The following CNTLN variants were observed in gnomAD, a reference collection of about 807,000 sequenced individuals.
CNTLN encodes the protein centlein, centrosomal protein.
Under a neutral mutation model 180.0 loss-of-function variants are expected in CNTLN, and 212 were observed. The observed-to-expected ratio is 1.18, with a 90% CI of 1.05 to 1.32. The LOEUF (loss-of-function observed/expected upper bound fraction) is 1.32. Ranked by LOEUF, CNTLN falls within the 40% of genes most tolerant of loss-of-function variation. CNTLN has a pLI of 0.00. For missense variants in CNTLN, 2,095 were observed against 1,610.9 expected (o/e 1.30, Z -5.14); for synonymous variants, 722 against 563.1 (o/e 1.28, Z -3.99).
At chr9:17,376,584 T>G (rs544105897) in intron 13 of CNTLN, among the ~76,000 whole-genome samples, 5 of 152,194 alleles carry the variant, frequency 3.3e-5, no homozygotes, top group African/African-American at 1.2e-4. Context: ...CCCAAGTAGC[T>G]GGGACTGCAG....
Position 17,465,989 on chromosome 9 carries a change from A to G in CNTLN, c.3540A>G (p.Thr1180=). ...TTATGCTTTTAATGTAGGTAAAGACATTAACTGAAGAATGTTCCAACAAGA... is the reference window on the plus strand; with the variant it reads ...TTATGCTTTTAATGTAGGTAAAGACGTTAACTGAAGAATGTTCCAACAAGA... ...MLQNLDKKVK[T]LTEECSNKKV... is the part of the protein sequence containing the mutation. The change falls in exon 22 of 26, where the codon ACA becomes ACG. Residue 1180 remains threonine (T), a synonymous_variant. Transcript: ENST00000380647. 1.9e-6 allele frequency: 3 copies of G among 1,602,474 alleles called. No homozygotes were observed. The highest frequency in any genetic ancestry group is 2.6e-6 in the Non-Finnish European group (3 of 1,172,390).
chr9:17,490,081 T>G (rs1335818533), intron 25 of CNTLN, among the ~76,000 whole-genome samples: 1 of 151,386 alleles, frequency 6.6e-6, no homozygotes, highest in Admixed American at 6.6e-5. Flanking sequence ...GTTTAGGGAG[T>G]GGGAGAAAAG....
intron 5 of CNTLN, among the ~76,000 whole-genome samples, chr9:17,253,128 T>G (rs557753235): frequency 6.6e-6 from 1 of 151,986 alleles, no homozygotes; most frequent in African/African-American, 2.4e-5. Context: ...CATTGGTCTA[T>G]GTGTCTATAT....
intron 7 of CNTLN, chr9:17,299,208 A>G (rs1272878062): frequency 6.6e-6 from 1 of 151,542 alleles, no homozygotes; most frequent in African/African-American, 2.7e-5. Flanking sequence ...GCACCATTGC[A>G]CTCCAGCCAG....
At chr9:17,225,735 A>C (rs990388692) in intron 2 of CNTLN, among the ~76,000 whole-genome samples, 11 of 152,064 alleles carry the variant, frequency 7.2e-5, no homozygotes, top group Non-Finnish European at 1.3e-4. Context: ...AGTTTAGTTA[A>C]TAGTATTCTC....
chr9:17,407,858 G>T (rs1441022044), intron 15 of CNTLN, among the ~76,000 whole-genome samples: 1 of 152,064 alleles, frequency 6.6e-6, no homozygotes, highest in Admixed American at 6.5e-5. Flanking sequence ...GGGCGTGGTG[G>T]CTCACGCCTG....
intron 2 of CNTLN, among the ~76,000 whole-genome samples, chr9:17,199,001 T>A (rs1045043815): frequency 6.6e-6 from 1 of 152,104 alleles, no homozygotes; most frequent in African/African-American, 2.4e-5. Context: ...CATGTGCATG[T>A]GTCTTTATAG....
At chr9:17,187,175 G>A (rs374817933) in intron 2 of CNTLN, among the ~76,000 whole-genome samples, 1 of 152,010 alleles carries the variant, frequency 6.6e-6, no homozygotes, top group African/African-American at 2.4e-5. Context: ...TTGATTTTGG[G>A]TAAGTTACAT....
chr9:17,264,424 C>A (rs1412326993), intron 5 of CNTLN, among the ~76,000 whole-genome samples: 3 of 150,834 alleles, frequency 2.0e-5, no homozygotes, highest in Non-Finnish European at 4.4e-5. Context: ...GGTACCAGTA[C>A]CATGCTGTTT....
At chr9:17,164,068 T>G (rs566751661) in intron 2 of CNTLN, among the ~76,000 whole-genome samples, 1 of 150,952 alleles carries the variant, frequency 6.6e-6, no homozygotes, top group South Asian at 2.1e-4. Context: ...TCCCAGAACT[T>G]TGGAAGGCTG....
intron 2 of CNTLN, among the ~76,000 whole-genome samples, chr9:17,215,291 TGTCTGTTGGA>T (rs1289934106): frequency 6.6e-6 from 1 of 152,246 alleles, no homozygotes; most frequent in African/African-American, 2.4e-5. Flanking sequence ...ATTAGCTGCA[TGTCTGTTGGA>T]GTTTATTGGA....
intron 2 of CNTLN, among the ~76,000 whole-genome samples, chr9:17,144,528 C>G (rs1398952413): frequency 6.6e-6 from 1 of 151,962 alleles, no homozygotes; most frequent in Admixed American, 6.6e-5. Context: ...CTTTCTAAAC[C>G]TATCCATAAT....
intron 18 of CNTLN, among the ~76,000 whole-genome samples, chr9:17,442,114 A>C (rs889658793): frequency 3.9e-5 from 6 of 152,204 alleles, no homozygotes; most frequent in Non-Finnish European, 7.3e-5. Context: ...TCAACAATGG[A>C]TAGAACAAGA....
chr9:17,194,456 G>A (rs1212980286), intron 2 of CNTLN, among the ~76,000 whole-genome samples: 5 of 152,138 alleles, frequency 3.3e-5, no homozygotes, highest in Admixed American at 2.0e-4. Context: ...AATCTCTAGG[G>A]CAGAGGCAAA....
At chr9:17,340,989 A>C in intron 11 of CNTLN, 41 bp downstream of exon 11, 1 of 1,572,848 alleles carries the variant, frequency 6.4e-7, no homozygotes. Flanking sequence ...CTAAATATTA[A>C]ATGGAATGGA....
At chr9:17,145,042 C>CTTG (rs935643384) in intron 2 of CNTLN, among the ~76,000 whole-genome samples, 2 of 149,794 alleles carry the variant, frequency 1.3e-5, no homozygotes, top group Non-Finnish European at 3.0e-5. Context: ...GGGGTTTCAC[C>CTTG]TTGTTAGCCA....
At chr9:17,442,919 A>G (rs1490717098) in intron 18 of CNTLN, among the ~76,000 whole-genome samples, 3 of 152,160 alleles carry the variant, frequency 2.0e-5, no homozygotes, top group Non-Finnish European at 4.4e-5. Context: ...AAATTTTCTG[A>G]TAAAATTAAA....
At chr9:17,333,930 C>A (rs1306737915) in intron 10 of CNTLN, among the ~76,000 whole-genome samples, 2 of 152,186 alleles carry the variant, frequency 1.3e-5, no homozygotes, top group Non-Finnish European at 2.9e-5. Flanking sequence ...TGCTATCCTT[C>A]AAGACCCTTT....
rs549637600 is a variant in CNTLN, at chr9:17,277,302, C to T, written c.983+3436C>T. Among the ~76,000 whole-genome samples the T allele has an allele frequency of 2.0e-5, 3 of 151,860 alleles. 1 individual carries two copies. The highest frequency in any genetic ancestry group is 6.6e-5 in the Admixed American group (1 of 15,236). ...GTAGAACCATTACCTAATGGTTCTA[C>T]AATTGAGATGAGAATTTTTGTTAGA... On this transcript the variant is annotated intron_variant, in intron 6 of 25. Coordinates refer to ENST00000380647, the MANE Select transcript of CNTLN (RefSeq NM_017738.4).
Sources: allele counts gnomAD v4.1 joint callset (sites outside exome capture counted in the v4.1 genomes callset), GRCh38; gene constraint gnomAD v4.1.1; transcripts MANE v1.5; gene names NCBI Gene and HGNC (gene_info 2026-07-23, HGNC 2026-07-21).